The following CPA6 variants were observed in gnomAD, a reference collection of about 807,000 sequenced individuals.
The protein encoded by CPA6 is carboxypeptidase A6.
Under a neutral mutation model 63.3 loss-of-function variants are expected in CPA6, and 58 were observed. The observed-to-expected ratio is 0.92, with a 90% confidence interval of 0.74 to 1.14. CPA6 has a LOEUF of 1.14. CPA6 is among the 50% of genes most tolerant of loss of function. The pLI, the probability that CPA6 is intolerant of heterozygous loss-of-function variation, is 0.00. For synonymous variants in CPA6, 185 were observed against 179.0 expected, an observed-to-expected ratio of 1.03 and a Z score of -0.27; for missense variants, 565 against 526.6, an observed-to-expected ratio of 1.07 and a Z score of -0.71.
chr8:67,672,921 T>A (rs555616307), intron 1 of CPA6, among the ~76,000 whole-genome samples: 69 of 147,022 alleles, frequency 4.7e-4, no homozygotes, highest in African/African-American at 1.7e-3. Flanking sequence ...TTTTTTTAAA[T>A]CAGTTTTTTA....
chr8:67,449,175 CAG>C (rs1326649727), intron 8 of CPA6, among the ~76,000 whole-genome samples: 5 of 152,156 alleles, frequency 3.3e-5, no homozygotes, highest in Admixed American at 2.6e-4. Context: ...TTGCTTGAAA[CAG>C]GGAGGCAGAG....
intron 6 of CPA6, among the ~76,000 whole-genome samples, chr8:67,504,654 GC>G (rs772377576): frequency 2.0e-5 from 3 of 152,210 alleles, no homozygotes; most frequent in Non-Finnish European, 4.4e-5. Flanking sequence ...CCCCAGTGAA[GC>G]CACACATCCT....
intron 8 of CPA6, among the ~76,000 whole-genome samples, chr8:67,479,189 C>A (rs767209363): frequency 6.6e-6 from 1 of 152,182 alleles, no homozygotes; most frequent in Non-Finnish European, 1.5e-5. Context: ...AAACAGTTAC[C>A]TGTAGTCCTT....
intron 2 of CPA6, among the ~76,000 whole-genome samples, chr8:67,597,167 A>G (rs910746178): frequency 2.0e-5 from 3 of 147,202 alleles, no homozygotes; most frequent in South Asian, 2.2e-4. Flanking sequence ...TGAAACTCCA[A>G]TTATGTCTTT....
chr8:67,471,133 C>T (rs1272234396), intron 8 of CPA6, among the ~76,000 whole-genome samples: 9 of 152,294 alleles, frequency 5.9e-5, no homozygotes, highest in Admixed American at 3.3e-4. Context: ...GCCAGACACT[C>T]TCCTGGCTCT....
chr8:67,662,484 G>GAATACATACACATGTATATGTATAT (rs1816135791), intron 1 of CPA6, among the ~76,000 whole-genome samples: 2 of 145,750 alleles, frequency 1.4e-5, no homozygotes, highest in Admixed American at 1.4e-4. Flanking sequence ...TGTATATATA[G>GAATACATACACATGTATATGTATAT]AATACATACA....
intron 1 of CPA6, among the ~76,000 whole-genome samples, chr8:67,671,721 T>C (rs768648023): frequency 2.0e-5 from 3 of 152,242 alleles, no homozygotes; most frequent in Admixed American, 1.3e-4. Flanking sequence ...TTGTGCAGGC[T>C]AGGATGTTTC....
chr8:67,659,215 G>A (rs1816055132), intron 1 of CPA6, among the ~76,000 whole-genome samples: 1 of 152,136 alleles, frequency 6.6e-6, no homozygotes, highest in Non-Finnish European at 1.5e-5. Flanking sequence ...AGGGCCTGGA[G>A]TCTCCCTTCC....
At chr8:67,544,915 A>G (rs1812781449) in intron 2 of CPA6, among the ~76,000 whole-genome samples, 1 of 152,122 alleles carries the variant, frequency 6.6e-6, no homozygotes, top group Non-Finnish European at 1.5e-5. Flanking sequence ...CTATTTGCAG[A>G]TATTTTAGAT....
chr8:67,659,538 C>G (rs1179494776), intron 1 of CPA6, among the ~76,000 whole-genome samples: 1 of 152,182 alleles, frequency 6.6e-6, no homozygotes, highest in Non-Finnish European at 1.5e-5. Context: ...CTGATGCACA[C>G]CAATAAAATA....
chr8:67,742,373 T>C (rs1462011806), intron 1 of CPA6, among the ~76,000 whole-genome samples: 29 of 152,178 alleles, frequency 1.9e-4, no homozygotes, highest in Non-Finnish European at 4.4e-5. Context: ...TTAAAAGCAA[T>C]TCTTCTCTGT....
intron 2 of CPA6, among the ~76,000 whole-genome samples, chr8:67,574,857 G>A (rs1390203558): frequency 6.6e-6 from 1 of 151,762 alleles, no homozygotes; most frequent in Non-Finnish European, 1.5e-5. Context: ...GGTTCCAAAG[G>A]CATGGGCAAT....
intron 6 of CPA6, among the ~76,000 whole-genome samples, chr8:67,489,066 T>C (rs1032288874): frequency 6.6e-6 from 1 of 152,188 alleles, no homozygotes; most frequent in African/African-American, 2.4e-5. Flanking sequence ...ATGATTGCCC[T>C]GGCCAGAACT....
chr8:67,488,620 T>A (rs572504636), intron 6 of CPA6, among the ~76,000 whole-genome samples: 60 of 152,336 alleles, frequency 3.9e-4, no homozygotes, highest in Middle Eastern at 6.8e-3. Context: ...GGGGATGGCA[T>A]TGAATCTATA....
At chr8:67,696,505 A>T (rs1816915029) in intron 1 of CPA6, among the ~76,000 whole-genome samples, 2 of 152,254 alleles carry the variant, frequency 1.3e-5, no homozygotes, top group African/African-American at 2.4e-5. Context: ...ATGGTCCAGC[A>T]ATTCTACTTC....
At chr8:67,553,216 C>A (rs1812989012) in intron 2 of CPA6, among the ~76,000 whole-genome samples, 1 of 152,096 alleles carries the variant, frequency 6.6e-6, no homozygotes, top group East Asian at 1.9e-4. Context: ...TAAGATGCAT[C>A]CTAATTTGAG....
chr8:67,498,076 G>A (rs1811758684), intron 6 of CPA6, among the ~76,000 whole-genome samples: 2 of 152,202 alleles, frequency 1.3e-5, no homozygotes, highest in South Asian at 4.2e-4. Flanking sequence ...CCATTCTCAG[G>A]TTTAAGTCTC....
chr8:67,604,732 G>A (rs1814583736), intron 2 of CPA6, among the ~76,000 whole-genome samples: 3 of 152,216 alleles, frequency 2.0e-5, no homozygotes, highest in South Asian at 2.1e-4. Flanking sequence ...CATAGGACAC[G>A]TGGAGATTAG....
At chr8:67,606,346 TA>T (rs1176741394) in intron 2 of CPA6, among the ~76,000 whole-genome samples, 2 of 151,714 alleles carry the variant, frequency 1.3e-5, no homozygotes, top group African/African-American at 2.4e-5. Flanking sequence ...ATAATAATAA[TA>T]AAAAAATTAA....
Sources: gnomAD v4.1 joint callset for allele counts (sites outside exome capture counted in the v4.1 genomes callset) on GRCh38, gnomAD v4.1.1 for gene constraint, MANE v1.5 for transcripts, NCBI Gene and HGNC (gene_info 2026-07-23, HGNC 2026-07-21) for gene names.